The following TAGAP variants were observed in gnomAD, a reference collection of about 807,000 sequenced individuals.
The protein encoded by TAGAP is T-cell activation Rho GTPase-activating protein.
In TAGAP, 16 loss-of-function variants were observed where a neutral mutation model predicts 36.0. The observed-to-expected ratio is 0.44, with a 90% confidence interval of 0.30 to 0.68. TAGAP has a LOEUF of 0.68. TAGAP is among the 30% of genes least tolerant of loss of function. TAGAP has a pLI of 0.09. For missense variants in TAGAP, 794 were observed against 921.5 expected, an observed-to-expected ratio of 0.86 and a Z score of 1.79; for synonymous variants, 372 against 377.4, an observed-to-expected ratio of 0.99 and a Z score of 0.17.
chr6:159,036,498 T>A lies in TAGAP; in HGVS notation c.1525A>T (p.Met509Leu). 1 of 1,614,064 alleles carries A rather than the reference T, an allele frequency of 6.2e-7. No homozygotes were observed. Among genetic ancestry groups the A allele is most frequent in the South Asian group, 1.1e-5 (1 of 91,064 alleles). The change falls in exon 10 of 10, where the codon ATG becomes TTG. Residue 509 changes from methionine (M) to leucine (L), a missense_variant. Physicochemically the swap from Met to Leu is conservative, Grantham distance 15. Transcript: ENST00000367066. The surrounding 1 kb of genome is among the most constrained non-coding windows in gnomAD (Gnocchi z 4.9). ...KPSREIKKHSMSFTFAPHKKV... is the reference protein window; with the variant it reads ...KPSREIKKHSLSFTFAPHKKV... ...TTGTGAGGGGCAAAGGTGAAAGACA[T>A]GGAGTGCTTTTTAATTTCTCGGCTG...
At position 159,037,541 on chromosome 6, in the gene TAGAP, A is replaced by G. The variant is rs1389804533; in HGVS notation, c.899-417T>C. On this transcript the variant is annotated intron_variant, in intron 9 of 9. Coordinates refer to ENST00000367066, the MANE Select transcript of TAGAP (RefSeq NM_054114.5). The surrounding 1 kb of genome is among the most constrained non-coding windows in gnomAD (Gnocchi z 5.1). ...GCTACAGTTCGCCCTGCTCATACCA[A>G]TCAGGGCACTAGGTGATTTATTAGC... Among the ~76,000 whole-genome samples the G allele has an allele frequency of 6.6e-6, 1 of 152,112 alleles. No homozygotes were observed.
chr6:159,037,996 T>G lies in TAGAP; in HGVS notation c.898+118A>C. On this transcript the variant is annotated intron_variant, in intron 9 of 9. Coordinates refer to ENST00000367066, the MANE Select transcript of TAGAP (RefSeq NM_054114.5). This position sits in a 1 kb window ranked among gnomAD's most constrained non-coding sequence, Gnocchi z 5.1. ...CTTCCTAATGGACTGGAGTCTAGTCTGACTCGGTGATTTGTGAAGGTAACT... is the reference window on the plus strand; with the variant it reads ...CTTCCTAATGGACTGGAGTCTAGTCGGACTCGGTGATTTGTGAAGGTAACT... 8 of 685,386 alleles carry G rather than the reference T, an allele frequency of 1.2e-5. No individual in the cohort carries two copies. The highest frequency in any genetic ancestry group is 1.8e-5 in the Non-Finnish European group (7 of 387,300). The allele number at this position is 685,386 out of a possible 1,614,324, so 42.5% of individuals were successfully genotyped here.
At position 159,038,167 on chromosome 6, in the gene TAGAP, G is replaced by C. The variant is rs934379119; in HGVS notation, c.845C>G (p.Pro282Arg). The C allele has an allele frequency of 6.2e-6, 10 of 1,613,482 alleles. No homozygotes were observed. The highest frequency in any genetic ancestry group is 8.5e-6 in the Non-Finnish European group (10 of 1,179,650). The change falls in exon 9 of 10, where the codon CCA becomes CGA. Residue 282 changes from proline to arginine, a missense_variant. Transcript: ENST00000367066. ...ATCAGAAGTGATACTGGAATGCACTGGAATGTTCTCCCCAAATATTTCAAA... is the reference window on the plus strand; with the variant it reads ...ATCAGAAGTGATACTGGAATGCACTCGAATGTTCTCCCCAAATATTTCAAA... The part of the protein sequence containing the change: ...NCFEIFGENI[P>R]VHSSITSDDS...
Position 159,035,572 on chromosome 6 carries a change from A to G in TAGAP, c.*255T>C, listed in dbSNP as rs1270599330. 5.5e-6 allele frequency: 2 copies of G among 363,178 alleles called. No homozygotes were observed. The highest frequency in any genetic ancestry group is 5.0e-6 in the Non-Finnish European group (1 of 198,492). 22.5% of individuals were successfully genotyped at this position (363,178 alleles called of 1,614,324 possible). On this transcript the variant is annotated 3_prime_UTR_variant, in exon 10 of 10. Coordinates refer to ENST00000367066, the MANE Select transcript of TAGAP (RefSeq NM_054114.5). Reference sequence around the variant, plus strand: ...CTGCAAGTTCAAAACGTGTGCAGGGATTATTAGACATCCTTTGCACCTAAC... The same window carrying G: ...CTGCAAGTTCAAAACGTGTGCAGGGGTTATTAGACATCCTTTGCACCTAAC...
Position 159,036,018 on chromosome 6 carries a change from G to A in TAGAP, c.2005C>T (p.Gln669Ter). 1 of 1,611,946 alleles carries A rather than the reference G, an allele frequency of 6.2e-7. No homozygotes were observed. The highest frequency in any genetic ancestry group is 8.5e-7 in the Non-Finnish European group (1 of 1,178,218). ...GLSPLPERWK[Q>*]SRTVHASGDS... is the part of the protein sequence containing the mutation. ...CCAGAAGCATGGACAGTTCTGCTCT[G>A]TTTCCATCGCTCAGGCAGGGGAGAG... Residue 669 changes from glutamine (Q) to a stop codon, truncating the protein, a stop_gained, in exon 10 of 10, where the codon CAG becomes TAG. Coordinates refer to ENST00000367066, the MANE Select transcript of TAGAP (RefSeq NM_054114.5). LOFTEE classifies it low-confidence loss of function (END_TRUNC). This position sits in a 1 kb window ranked among gnomAD's most constrained non-coding sequence, Gnocchi z 4.9.
Position 159,044,109 on chromosome 6 carries a change from G to A in TAGAP, c.27+11C>T. ...GAAACGTGAATGAATGAATGTGAGAGGGGCACTCACAGCATTGTGGCTGCT... is the reference window on the plus strand; with the variant it reads ...GAAACGTGAATGAATGAATGTGAGAAGGGCACTCACAGCATTGTGGCTGCT... On this transcript the variant is annotated intron_variant, in intron 2 of 9. Coordinates refer to ENST00000367066, the MANE Select transcript of TAGAP (RefSeq NM_054114.5). 5 of 1,613,980 alleles carry A rather than the reference G, an allele frequency of 3.1e-6. No homozygotes were observed. The African/African-American group carries it at 5.3e-5, about 17-fold the overall frequency.
Position 159,040,929 on chromosome 6 carries a change from G to A in TAGAP, c.478-97C>T, listed in dbSNP as rs187986168. 3.2e-4 allele frequency: 277 copies of A among 868,514 alleles called. 2 individuals carry two copies. The East Asian group carries it at 6.9e-3, about 22-fold the overall frequency. The allele number at this position is 868,514 out of a possible 1,614,324, so 53.8% of individuals were successfully genotyped here. On this transcript the variant is annotated intron_variant, in intron 6 of 9. Coordinates refer to ENST00000367066, the MANE Select transcript of TAGAP (RefSeq NM_054114.5). Reference sequence around the variant, plus strand: ...TTCGTTCCATCGCAGGGTGCTCTATGCTTAGCCCATCATAGATTGTGGCCC... The same window carrying A: ...TTCGTTCCATCGCAGGGTGCTCTATACTTAGCCCATCATAGATTGTGGCCC...
At chr6:159,040,988 T>C in intron 6 of TAGAP, 156 bp from the exon 7 acceptor site, 2 of 630,172 alleles carry the variant, frequency 3.2e-6, no homozygotes, top group Non-Finnish European at 5.6e-6. Flanking sequence ...CAGGGAACCC[T>C]CTCTCCAACA....
chr6:159,037,109 T>G lies in TAGAP; in HGVS notation c.914A>C (p.Gln305Pro), dbSNP rs766760704. The stretch of plus-strand genomic sequence containing the variant: ...GTTGCTGTCGTAGGCTGAGTCATTC[T>G]GCAGGGTCGACACATCTGGGGGAAG... ...HTDSSDVSTLQNDSAYDSNDP... is the reference protein window; with the variant it reads ...HTDSSDVSTLPNDSAYDSNDP... Residue 305 changes from glutamine (Q) to proline (P), a missense_variant, in exon 10 of 10, where the codon CAG (glutamine) becomes CCG (proline). Physicochemically the swap from Gln to Pro is moderately conservative, Grantham distance 76 (BLOSUM62 -1). Transcript: ENST00000367066. This position sits in a 1 kb window ranked among gnomAD's most constrained non-coding sequence, Gnocchi z 5.1. The G allele has an allele frequency of 1.7e-5, 27 of 1,610,324 alleles. No homozygotes were observed. In the South Asian group the frequency reaches 3.0e-4, roughly 18 times the overall value.
chr6:159,040,036 T>C (rs993910868), intron 7 of TAGAP, among the ~76,000 whole-genome samples: 17 of 152,236 alleles, frequency 1.1e-4, no homozygotes, highest in African/African-American at 4.1e-4. Context: ...ACATATGTCA[T>C]TGAAAGTATT....
Position 159,037,229 on chromosome 6 carries a change from T to C in TAGAP, c.899-105A>G. Reference sequence around the variant, plus strand: ...TTTTTTGAGATGGAGTCTCGGTTTGTTGCCCAGGCTGGAGTGCAGTGATGT... The same window carrying C: ...TTTTTTGAGATGGAGTCTCGGTTTGCTGCCCAGGCTGGAGTGCAGTGATGT... On this transcript the variant is annotated intron_variant, in intron 9 of 9. Transcript: ENST00000367066. The surrounding 1 kb of genome is among the most constrained non-coding windows in gnomAD (Gnocchi z 5.1). 2 of 1,081,594 alleles carry C rather than the reference T, an allele frequency of 1.8e-6. No homozygotes were observed. Among genetic ancestry groups the C allele is most frequent in the East Asian group, 2.9e-5 (1 of 34,338 alleles). The allele number at this position is 1,081,594 out of a possible 1,614,324, so 67.0% of individuals were successfully genotyped here.
At position 159,041,362 on chromosome 6, in the gene TAGAP, C is replaced by T. The variant is rs751891541; in HGVS notation, c.469G>A (p.Val157Ile). 15 of 1,613,652 alleles carry T rather than the reference C, an allele frequency of 9.3e-6. No homozygotes were observed. In the South Asian group the frequency reaches 1.4e-4, roughly 15 times the overall value. The change falls in exon 6 of 10, where the codon GTC becomes ATC. Residue 157 changes from valine (V) to isoleucine (I), a missense_variant. Transcript: ENST00000367066. The surrounding 1 kb of genome is among the most constrained non-coding windows in gnomAD (Gnocchi z 4.1). Reference sequence around the variant, plus strand: ...AAGTGTGTTGAACTCACCTTAAAGACCACAGCGAGGAGGTGCACGGGGAGC... The same window carrying T: ...AAGTGTGTTGAACTCACCTTAAAGATCACAGCGAGGAGGTGCACGGGGAGC... ...ERLPVHLLAV[V>I]FKDFLRSIPR...
chr6:159,038,266 T>G (rs746335698), intron 8 of TAGAP, 38 bp from the exon 9 acceptor site: 7 of 120,506 alleles, frequency 5.8e-5, no homozygotes, highest in Admixed American at 4.2e-4. Flanking sequence ...GCTTGAAGAC[T>G]TTTTTTTTTT....
rs1295762227 is a variant in TAGAP at position 159,035,983 on chromosome 6, C to T, written c.2040G>A (p.Leu680=). ...GTCTCCCTGGGCCAGACACGTGCCC[C>T]AGAGAGTCCCCAGAAGCATGGACAG... ...SRTVHASGDS[L]GHVSGPGRPE... is the part of the protein sequence containing the mutation. The change falls in exon 10 of 10, where the codon CTG becomes CTA. Residue 680 remains leucine, a synonymous_variant. Transcript: ENST00000367066. 1.2e-6 allele frequency: 2 copies of T among 1,614,154 alleles called. No homozygotes were observed. Among genetic ancestry groups the T allele is most frequent in the Non-Finnish European group, 1.7e-6 (2 of 1,179,962 alleles).
chr6:159,035,960 C>A lies in TAGAP; in HGVS notation c.2063G>T (p.Arg688Ile), dbSNP rs763294731. 3 of 1,614,222 alleles carry A rather than the reference C, an allele frequency of 1.9e-6. No homozygotes were observed. The highest frequency in any genetic ancestry group is 3.3e-5 in the Admixed American group (2 of 60,038). Reference sequence around the variant, plus strand: ...GGTCCTCAGCGGGAGGAGCTCAGGTCTCCCTGGGCCAGACACGTGCCCCAG... The same window carrying A: ...GGTCCTCAGCGGGAGGAGCTCAGGTATCCCTGGGCCAGACACGTGCCCCAG... ...DSLGHVSGPG[R>I]PELLPLRTVS... Residue 688 changes from arginine to isoleucine, a missense_variant, in exon 10 of 10, where the codon AGA (arginine) becomes ATA (isoleucine). Arg to Ile is a moderately conservative substitution (Grantham distance 97). Transcript: ENST00000367066.
chr6:159,042,702 T>C (rs1779799793), intron 4 of TAGAP: 1 of 158,336 alleles, frequency 6.3e-6, no homozygotes, highest in Non-Finnish European at 1.4e-5. Flanking sequence ...GCTGAATATC[T>C]TTTCGAAGGC....
chr6:159,041,943 G>A lies in TAGAP; in HGVS notation c.315+135C>T, dbSNP rs1160947797. 3 of 936,974 alleles carry A rather than the reference G, an allele frequency of 3.2e-6. No homozygotes were observed. In the African/African-American group the frequency reaches 5.0e-5, roughly 15 times the overall value. 58.0% of individuals were successfully genotyped at this position (936,974 alleles called of 1,614,324 possible). On this transcript the variant is annotated intron_variant, in intron 5 of 9. Transcript: ENST00000367066. The surrounding 1 kb of genome is among the most constrained non-coding windows in gnomAD (Gnocchi z 4.1). ...CTTCTGACTGCACGCGTATGTGGGA[G>A]TGCCATGTTGAAGAGTGGAAAATAT...
rs1779661298 is a variant in TAGAP at position 159,039,195 on chromosome 6, G to A, written c.702C>T (p.Ala234=). 1 of 1,614,034 alleles carries A rather than the reference G, an allele frequency of 6.2e-7. No homozygotes were observed. The highest frequency in any genetic ancestry group is 1.3e-5 in the African/African-American group (1 of 74,900). The change falls in exon 8 of 10, where the codon GCC becomes GCT. Residue 234 remains alanine (A), a synonymous_variant. Coordinates refer to ENST00000367066, the MANE Select transcript of TAGAP (RefSeq NM_054114.5). ...EVNRMDSSNL[A]ICIGPNMLTL... is the part of the protein sequence containing the mutation. ...TGAGCATGTTGGGTCCAATGCAGATGGCCAGATTGCTGGAGTCCATCCTGT... is the reference window on the plus strand; with the variant it reads ...TGAGCATGTTGGGTCCAATGCAGATAGCCAGATTGCTGGAGTCCATCCTGT...
At chr6:159,039,791 A>G (rs1779683126) in intron 7 of TAGAP, among the ~76,000 whole-genome samples, 1 of 152,246 alleles carries the variant, frequency 6.6e-6, no homozygotes, top group Non-Finnish European at 1.5e-5. Flanking sequence ...TATGAAGACT[A>G]AATCAGTTTC....
Sources: gnomAD v4.1 joint callset for allele counts (sites outside exome capture counted in the v4.1 genomes callset) on GRCh38, gnomAD v4.1.1 for gene constraint, Gnocchi (gnomAD v3.1) non-coding constraint, MANE v1.5 for transcripts, NCBI Gene and HGNC (gene_info 2026-07-23, HGNC 2026-07-21) for gene names.